The following PPM1E variants were observed in gnomAD, a reference collection of about 807,000 sequenced individuals.
PPM1E encodes protein phosphatase, Mg2+/Mn2+ dependent 1E.
Under a neutral mutation model 65.9 loss-of-function variants are expected in PPM1E, and 20 were observed. That is an observed-to-expected ratio of 0.30 (90% confidence interval 0.21 to 0.44). The LOEUF (loss-of-function observed/expected upper bound fraction) is 0.44. Ranked by LOEUF, PPM1E falls within the 20% of genes least tolerant of loss-of-function variation. The pLI is 1.00. For synonymous variants in PPM1E, 352 were observed against 374.9 expected, an observed-to-expected ratio of 0.94 and a Z score of 0.70; for missense variants, 713 against 953.1, an observed-to-expected ratio of 0.75 and a Z score of 3.32.
chr17:58,962,724 G>T (rs1336651789), intron 2 of PPM1E, among the ~76,000 whole-genome samples: 1 of 152,126 alleles, frequency 6.6e-6, no homozygotes, highest in African/African-American at 2.4e-5. Flanking sequence ...ACCTCCACAG[G>T]CTGTCTTTGC....
At chr17:58,818,204 A>C (rs1159312702) in intron 1 of PPM1E, among the ~76,000 whole-genome samples, 1 of 152,198 alleles carries the variant, frequency 6.6e-6, no homozygotes, top group Non-Finnish European at 1.5e-5. Flanking sequence ...CTAAGTAAGC[A>C]CATTAATTTA....
intron 1 of PPM1E, among the ~76,000 whole-genome samples, chr17:58,944,191 A>T (rs2052112384): frequency 6.6e-6 from 1 of 150,896 alleles, no homozygotes. Context: ...CCTGATTTTC[A>T]CTTCCACTAT....
At chr17:58,943,139 G>A (rs1261978784) in intron 1 of PPM1E, among the ~76,000 whole-genome samples, 1 of 151,990 alleles carries the variant, frequency 6.6e-6, no homozygotes, top group Non-Finnish European at 1.5e-5. Flanking sequence ...GGAAATTGCA[G>A]TGAGCCAAGA....
chr17:58,857,184 C>T (rs1415738161), intron 1 of PPM1E, among the ~76,000 whole-genome samples: 2 of 152,094 alleles, frequency 1.3e-5, no homozygotes, highest in African/African-American at 4.8e-5. Flanking sequence ...TTTTACATAA[C>T]CACAGTACAT....
chr17:58,791,353 A>G (rs1222004064), intron 1 of PPM1E, among the ~76,000 whole-genome samples: 19 of 152,190 alleles, frequency 1.2e-4, no homozygotes, highest in Admixed American at 1.2e-3. Context: ...AATTTAGATG[A>G]TTCGGAGATG....
chr17:58,801,163 G>A (rs977179946), intron 1 of PPM1E, among the ~76,000 whole-genome samples: 9 of 152,050 alleles, frequency 5.9e-5, no homozygotes, highest in Non-Finnish European at 1.3e-4. Context: ...TTCTATAAAT[G>A]TTGATTAGGT....
chr17:58,971,213 G>C (rs865969394), intron 4 of PPM1E, among the ~76,000 whole-genome samples: 5 of 152,060 alleles, frequency 3.3e-5, no homozygotes, highest in African/African-American at 1.2e-4. Context: ...TGTGTTCTAG[G>C]GGGCTGAGTT....
Position 58,981,933 on chromosome 17 carries a change from T to C in PPM1E, c.*902T>C, listed in dbSNP as rs2031377213. ...CCATTTACAAAGAAAATCAAAAGCA[T>C]TTCTATATTTTGTCTTTTTTTAGTT... On this transcript the variant is annotated 3_prime_UTR_variant, in exon 7 of 7. Transcript: ENST00000308249. 6.6e-6 allele frequency: 1 copy of C among 152,602 alleles called. No individual in the cohort carries two copies. The highest frequency in any genetic ancestry group is 6.5e-5 in the Admixed American group (1 of 15,280). The allele number at this position is 152,602 out of a possible 1,614,324, so 9.5% of individuals were successfully genotyped here. A position where few individuals can be genotyped will look rare whatever the true frequency, so the allele number is the denominator to read the frequency against.
intron 1 of PPM1E, among the ~76,000 whole-genome samples, chr17:58,942,005 CAAA>C (rs1173378193): frequency 7.4e-5 from 5 of 67,794 alleles, no homozygotes; most frequent in Admixed American, 1.7e-4. Flanking sequence ...GACTTCGTCT[CAAA>C]AAAAAAAAAA....
intron 6 of PPM1E, among the ~76,000 whole-genome samples, chr17:58,978,300 T>C (rs1352508648): frequency 6.6e-6 from 1 of 152,300 alleles, no homozygotes; most frequent in East Asian, 1.9e-4. Flanking sequence ...CCTTTGTAAA[T>C]ATCTGGAGTT....
intron 5 of PPM1E, among the ~76,000 whole-genome samples, chr17:58,972,507 C>T (rs888665068): frequency 6.6e-5 from 10 of 152,168 alleles, no homozygotes; most frequent in South Asian, 4.2e-4. Flanking sequence ...TGTGCCACCA[C>T]GCCCAGCTAA....
chr17:58,928,848 G>A (rs1438585860), intron 1 of PPM1E, among the ~76,000 whole-genome samples: 1 of 151,714 alleles, frequency 6.6e-6, no homozygotes, highest in East Asian at 1.9e-4. Context: ...GATTAAAGGC[G>A]CCCACCACCA....
intron 1 of PPM1E, among the ~76,000 whole-genome samples, chr17:58,797,482 T>C (rs540913006): frequency 1.3e-5 from 2 of 152,366 alleles, no homozygotes; most frequent in Admixed American, 6.5e-5. Context: ...AGAGACACTT[T>C]TGTGGAAAGC....
chr17:58,928,847 C>T (rs1036214449), intron 1 of PPM1E, among the ~76,000 whole-genome samples: 1 of 151,800 alleles, frequency 6.6e-6, no homozygotes, highest in Admixed American at 6.6e-5. Flanking sequence ...GGATTAAAGG[C>T]GCCCACCACC....
intron 1 of PPM1E, among the ~76,000 whole-genome samples, chr17:58,765,966 C>T (rs1250872663): frequency 3.3e-5 from 5 of 149,940 alleles, no homozygotes; most frequent in African/African-American, 9.8e-5. Context: ...CTGCAACCTC[C>T]GCCTCCCAAG....
intron 1 of PPM1E, among the ~76,000 whole-genome samples, chr17:58,947,207 T>C (rs921699302): frequency 1.4e-5 from 2 of 141,812 alleles, no homozygotes; most frequent in African/African-American, 5.2e-5. Flanking sequence ...AGTGTTGGGA[T>C]TACAAGTGTG....
chr17:58,760,247 T>C (rs1263355603), intron 1 of PPM1E, among the ~76,000 whole-genome samples: 1 of 152,114 alleles, frequency 6.6e-6, no homozygotes, highest in African/African-American at 2.4e-5. Flanking sequence ...TGCTAAAGGC[T>C]CCCAACTCTA....
intron 1 of PPM1E, among the ~76,000 whole-genome samples, chr17:58,841,224 A>T (rs1375451072): frequency 6.6e-6 from 1 of 152,196 alleles, no homozygotes; most frequent in African/African-American, 2.4e-5. Flanking sequence ...TATTATCTAG[A>T]TACTTCATCC....
chr17:58,896,738 C>G (rs1034184801), intron 1 of PPM1E, among the ~76,000 whole-genome samples: 1 of 152,178 alleles, frequency 6.6e-6, no homozygotes, highest in African/African-American at 2.4e-5. Context: ...TCCAAAAGAT[C>G]TAGCTAAGAT....
Sources: allele counts gnomAD v4.1 joint callset (sites outside exome capture counted in the v4.1 genomes callset), GRCh38; gene constraint gnomAD v4.1.1; transcripts MANE v1.5; gene names NCBI Gene and HGNC (gene_info 2026-07-23, HGNC 2026-07-21).